BSN: variants seen among roughly 807,000 people sequenced by gnomAD.
BSN encodes protein bassoon.
In BSN, 57 loss-of-function variants were observed where a neutral mutation model predicts 264.8. The ratio of observed to expected loss-of-function variants is 0.22; its 90% CI spans 0.17 to 0.27. The LOEUF is 0.27. BSN is among the 10% of genes least tolerant of loss of function. BSN has a pLI of 1.00. For missense variants in BSN, 4,615 were observed against 5,232.5 expected (o/e 0.88, Z 3.64); for synonymous variants, 2,059 against 2,137.3 (o/e 0.96, Z 1.01).
At position 49,634,456 on chromosome 3, in the gene BSN, G is replaced by A. The variant is rs368077443; in HGVS notation, c.634-7812G>A. Among the ~76,000 whole-genome samples the A allele has an allele frequency of 8.6e-5, 13 of 151,834 alleles. No homozygotes were observed. The East Asian group carries it at 1.2e-3, about 13-fold the overall frequency. ...ATTTGAGATGGAGTCTCGCTTTGTC[G>A]CCCAGGCTCAAGTGCAGTGATGCAA... On this transcript the variant is annotated intron_variant, in intron 2 of 11. Coordinates refer to ENST00000296452, the MANE Select transcript of BSN (RefSeq NM_003458.4).
chr3:49,587,917 C>CTTTTCTTTTCTT (rs2051948663), intron 1 of BSN, among the ~76,000 whole-genome samples: 1 of 147,216 alleles, frequency 6.8e-6, no homozygotes, highest in Non-Finnish European at 1.5e-5. Context: ...CTTTTCTTTT[C>CTTTTCTTTTCTT]TTTTCTTTTC....
Position 49,658,451 on chromosome 3 carries a change from GCCT to G in BSN, c.8640+261_8640+263del, listed in dbSNP as rs577782996. Among the ~76,000 whole-genome samples the G allele has an allele frequency of 1.7e-3, 263 of 152,260 alleles. 2 individuals are homozygous for G. Among genetic ancestry groups the G allele is most frequent in the Non-Finnish European group, 2.6e-3 (176 of 68,014 alleles). On this transcript the variant is annotated intron_variant, in intron 5 of 11. Coordinates refer to ENST00000296452, the MANE Select transcript of BSN (RefSeq NM_003458.4). The stretch of plus-strand genomic sequence containing the variant: ...GCCACATACCCTACTAGAAGCTTCA[GCCT>G]CCTCCCAGCACTGTCCCTTCACCAC...
At position 49,631,541 on chromosome 3, in the gene BSN, G is replaced by GAGTA. The variant is rs374211000; in HGVS notation, c.633+6161_633+6164dup. On this transcript the variant is annotated intron_variant, in intron 2 of 11. Transcript: ENST00000296452. ...CCACTGCCCTCCAGCCAGGGTGACA[G>GAGTA]AGTAAGACTCTGTCTCAAAAAAAAA... Among the ~76,000 whole-genome samples, 673 of 147,758 alleles carry GAGTA rather than the reference G, an allele frequency of 4.6e-3. 9 individuals are homozygous for GAGTA. Among genetic ancestry groups the GAGTA allele is most frequent in the African/African-American group, 0.016 (633 of 39,662 alleles).
At chr3:49,608,518 T>C (rs2052177765) in intron 1 of BSN, among the ~76,000 whole-genome samples, 1 of 152,222 alleles carries the variant, frequency 6.6e-6, no homozygotes, top group African/African-American at 2.4e-5. Context: ...TCTCAACGTC[T>C]TTCATAAGCC....
intron 8 of BSN, 121 bp from the exon 9 acceptor site, chr3:49,664,302 C>G: frequency 7.7e-7 from 1 of 1,304,308 alleles, no homozygotes; most frequent in South Asian, 1.3e-5. Context: ...TCCCTAGCCT[C>G]CTTCTCACCT....
At chr3:49,582,670 G>A (rs1218303212) in intron 1 of BSN, among the ~76,000 whole-genome samples, 1 of 152,014 alleles carries the variant, frequency 6.6e-6, no homozygotes, top group Non-Finnish European at 1.5e-5. Flanking sequence ...AGGACTTCCA[G>A]TACTATGTTA....
rs1575422065 is a variant in BSN, at chr3:49,554,762, T to G, written c.160T>G (p.Ser54Ala). 2.5e-6 allele frequency: 3 copies of G among 1,221,344 alleles called. No individual in the cohort carries two copies. The highest frequency in any genetic ancestry group is 3.1e-6 in the Non-Finnish European group (3 of 981,288). 75.7% of individuals were successfully genotyped at this position (1,221,344 alleles called of 1,614,324 possible). A position where few individuals can be genotyped will look rare whatever the true frequency, so the allele number is the denominator to read the frequency against. Residue 54 changes from serine to alanine, a missense_variant, in exon 1 of 12, where the codon TCG (serine) becomes GCG (alanine). By Grantham distance (99) the Ser-to-Ala change is moderately conservative. Coordinates refer to ENST00000296452, the MANE Select transcript of BSN (RefSeq NM_003458.4). The stretch of plus-strand genomic sequence containing the variant: ...GCTCCCCGCGGCGGGAGCAGCGCGG[T>G]CGACCGCGGTACCACCGGTCCCTGG... ...GQLPAAGAAR[S>A]TAVPPVPGPG...
chr3:49,616,263 A>G (rs2108050328), intron 1 of BSN, among the ~76,000 whole-genome samples: 1 of 152,302 alleles, frequency 6.6e-6, no homozygotes, highest in East Asian at 1.9e-4. Flanking sequence ...GCTCTAGGAC[A>G]CTGGACCTGG....
At chr3:49,593,095 C>T (rs1455183287) in intron 1 of BSN, among the ~76,000 whole-genome samples, 1 of 152,170 alleles carries the variant, frequency 6.6e-6, no homozygotes, top group Non-Finnish European at 1.5e-5. Flanking sequence ...ACAAATCTAT[C>T]CTCCATTAAA....
intron 1 of BSN, among the ~76,000 whole-genome samples, chr3:49,566,930 A>C (rs2051756325): frequency 6.6e-6 from 1 of 152,084 alleles, no homozygotes. Context: ...TTATTTCATA[A>C]CAGGTTGCAA....
At chr3:49,573,780 C>G (rs2051817572) in intron 1 of BSN, among the ~76,000 whole-genome samples, 2 of 151,922 alleles carry the variant, frequency 1.3e-5, no homozygotes, top group South Asian at 4.2e-4. Flanking sequence ...GCCTCAGCCT[C>G]CTGAGTAGCT....
intron 3 of BSN, among the ~76,000 whole-genome samples, chr3:49,646,166 C>T (rs994429503): frequency 6.6e-6 from 1 of 151,970 alleles, no homozygotes; most frequent in African/African-American, 2.4e-5. Context: ...ATCCTTTTTC[C>T]TTTTGAACTT....
chr3:49,640,195 T>A (rs1424464459), intron 2 of BSN, among the ~76,000 whole-genome samples: 1 of 152,230 alleles, frequency 6.6e-6, no homozygotes, highest in Non-Finnish European at 1.5e-5. Flanking sequence ...CTCTGGTTGA[T>A]GAGGAGGAGA....
rs762649129 is a variant in BSN, at chr3:49,662,244, G to A, written c.10399G>A (p.Glu3467Lys). 52 of 1,613,786 alleles carry A rather than the reference G, an allele frequency of 3.2e-5. No homozygotes were observed. Among genetic ancestry groups the A allele is most frequent in the South Asian group, 2.4e-4 (22 of 91,084 alleles). ...CTTCAGTGGCTGGGGCAAGGGGTAC[G>A]AAAGGGAACGGGAGGCTGTGGAGCG... ...HDFSGWGKGY[E>K]REREAVERLQ... is the part of the protein sequence containing the mutation. The change falls in exon 6 of 12, where the codon GAA (glutamate) becomes AAA (lysine). Residue 3467 changes from glutamate to lysine, a missense_variant. Glu to Lys is a moderately conservative substitution (Grantham distance 56). Transcript: ENST00000296452.
At chr3:49,645,803 A>G (rs1200199809) in intron 3 of BSN, among the ~76,000 whole-genome samples, 1 of 152,152 alleles carries the variant, frequency 6.6e-6, no homozygotes, top group Non-Finnish European at 1.5e-5. Context: ...CACTTGCCAG[A>G]GACACTTACC....
Position 49,650,779 on chromosome 3 carries a change from C to G in BSN, c.1686C>G (p.Gly562=). The G allele has an allele frequency of 6.2e-7, 1 of 1,613,814 alleles. No homozygotes were observed. The highest frequency in any genetic ancestry group is 1.1e-5 in the South Asian group (1 of 91,080). ...AGCAGAAAGGGCCACAGGGGCTGGG[C>G]CAGCCTTCAGGCCCCCTGCCTGCCA... is the stretch of plus-strand genomic sequence containing the variant. ...PLKQKGPQGL[G]QPSGPLPAKA... is the part of the protein sequence containing the mutation. The change falls in exon 4 of 12, where the codon GGC becomes GGG. Residue 562 remains glycine (G), a synonymous_variant. Transcript: ENST00000296452.
At chr3:49,612,167 G>A (rs941970165) in intron 1 of BSN, among the ~76,000 whole-genome samples, 7 of 145,382 alleles carry the variant, frequency 4.8e-5, no homozygotes, top group Non-Finnish European at 7.5e-5. Context: ...ACAGAGTCTC[G>A]TTCTGTTGCC....
chr3:49,558,966 G>A (rs1263826989), intron 1 of BSN, among the ~76,000 whole-genome samples: 2 of 151,996 alleles, frequency 1.3e-5, no homozygotes, highest in East Asian at 1.9e-4. Context: ...TTGCTCTGTC[G>A]CCCAGGCTGG....
chr3:49,650,901 G>C lies in BSN; in HGVS notation c.1808G>C (p.Ser603Thr). The change falls in exon 4 of 12, where the codon AGC becomes ACC. Residue 603 changes from serine to threonine, a missense_variant. Transcript: ENST00000296452. ...LRASEPSKTPSSVQEKKTRVP... is the reference protein window; with the variant it reads ...LRASEPSKTPTSVQEKKTRVP... ...GCTTCTGAACCCAGCAAGACCCCAAGCAGTGTCCAGGAAAAGAAGACCCGA... is the reference window on the plus strand; with the variant it reads ...GCTTCTGAACCCAGCAAGACCCCAACCAGTGTCCAGGAAAAGAAGACCCGA... The C allele has an allele frequency of 6.2e-7, 1 of 1,614,176 alleles. No individual in the cohort carries two copies. Among genetic ancestry groups the C allele is most frequent in the Non-Finnish European group, 8.5e-7 (1 of 1,180,042 alleles).
Sources: gnomAD v4.1 joint callset for allele counts (sites outside exome capture counted in the v4.1 genomes callset) on GRCh38, gnomAD v4.1.1 for gene constraint, MANE v1.5 for transcripts, NCBI Gene and HGNC (gene_info 2026-07-23, HGNC 2026-07-21) for gene names.